The following DCC variants were observed in gnomAD, a reference collection of about 807,000 sequenced individuals.
DCC encodes the protein netrin receptor DCC.
In DCC, 58 loss-of-function variants were observed where a neutral mutation model predicts 172.5. The observed-to-expected ratio is 0.34, with a 90% CI of 0.27 to 0.42. DCC has a LOEUF of 0.42. Ranked by LOEUF, DCC falls within the 10% of genes least tolerant of loss-of-function variation. The pLI is 1.00. For synonymous variants in DCC, 709 were observed against 644.5 expected (o/e 1.10, Z -1.52); for missense variants, 1,740 against 1,791.0 (o/e 0.97, Z 0.51).
At chr18:52,383,702 T>C (rs1208784323) in intron 1 of DCC, among the ~76,000 whole-genome samples, 1 of 152,074 alleles carries the variant, frequency 6.6e-6, no homozygotes, top group Non-Finnish European at 1.5e-5. Context: ...TTCATTTTCC[T>C]GGTTTCTCTG....
At chr18:52,660,487 A>C (rs1365833985) in intron 1 of DCC, among the ~76,000 whole-genome samples, 1 of 152,136 alleles carries the variant, frequency 6.6e-6, no homozygotes, top group Non-Finnish European at 1.5e-5. Flanking sequence ...GCTCTGGTTC[A>C]AGTTTACTGT....
intron 1 of DCC, among the ~76,000 whole-genome samples, chr18:52,455,678 G>C (rs530534031): frequency 6.6e-6 from 1 of 152,206 alleles, no homozygotes; most frequent in South Asian, 2.1e-4. Flanking sequence ...TGTGATCCTC[G>C]GCAACTTATT....
At chr18:52,702,938 C>T (rs908675155) in intron 1 of DCC, among the ~76,000 whole-genome samples, 8 of 152,250 alleles carry the variant, frequency 5.3e-5, no homozygotes, top group African/African-American at 1.9e-4. Flanking sequence ...TATAAGATTT[C>T]GTTTCAACTT....
chr18:52,690,282 G>A (rs1301450440), intron 1 of DCC, among the ~76,000 whole-genome samples: 1 of 152,122 alleles, frequency 6.6e-6, no homozygotes, highest in East Asian at 1.9e-4. Context: ...TGCCCTTAAG[G>A]AACTCAGCTG....
intron 7 of DCC, among the ~76,000 whole-genome samples, chr18:53,083,067 A>G (rs932987067): frequency 2.0e-5 from 3 of 151,990 alleles, no homozygotes; most frequent in African/African-American, 4.8e-5. Flanking sequence ...TTTCCAAGTC[A>G]TTATTGGCCA....
At chr18:53,440,012 G>T (rs140632901) in intron 22 of DCC, among the ~76,000 whole-genome samples, 1 of 151,424 alleles carries the variant, frequency 6.6e-6, no homozygotes, top group Non-Finnish European at 1.5e-5. Flanking sequence ...TGATCCGCCC[G>T]CCTCGGCCTC....
chr18:52,563,849 A>C (rs2033095477), intron 1 of DCC, among the ~76,000 whole-genome samples: 1 of 152,144 alleles, frequency 6.6e-6, no homozygotes, highest in Admixed American at 6.6e-5. Context: ...GTTGTCTGTC[A>C]TTTGGCCAAA....
At chr18:53,111,063 G>T (rs2043322884) in intron 7 of DCC, among the ~76,000 whole-genome samples, 1 of 146,888 alleles carries the variant, frequency 6.8e-6, no homozygotes, top group South Asian at 2.2e-4. Flanking sequence ...GGAATACTAT[G>T]CAGCCATAAA....
At chr18:52,724,691 C>G (rs2036524760) in intron 1 of DCC, among the ~76,000 whole-genome samples, 1 of 152,108 alleles carries the variant, frequency 6.6e-6, no homozygotes, top group Admixed American at 6.6e-5. Context: ...AAACTTGTCT[C>G]CCTCTTTCAT....
At chr18:52,383,708 C>T (rs1479962390) in intron 1 of DCC, among the ~76,000 whole-genome samples, 3 of 151,782 alleles carry the variant, frequency 2.0e-5, no homozygotes, top group Non-Finnish European at 4.4e-5. Flanking sequence ...TTCCTGGTTT[C>T]TCTGTGTTTC....
rs1273614754 is a variant in DCC at position 52,652,425 on chromosome 18, A to AT, written c.92-99621dup. Among the ~76,000 whole-genome samples the AT allele has an allele frequency of 5.3e-5, 8 of 152,138 alleles. 1 individual carries two copies. Among genetic ancestry groups the AT allele is most frequent in the Middle Eastern group, 6.8e-3 (2 of 294 alleles). ...CAGCAAGAGTATTTTATTTCTATGG[A>AT]TTTTTTTTCAATACAGTCATTGGAA... On this transcript the variant is annotated intron_variant, in intron 1 of 28. Coordinates refer to ENST00000442544, the MANE Select transcript of DCC (RefSeq NM_005215.4).
intron 1 of DCC, among the ~76,000 whole-genome samples, chr18:52,498,542 T>C (rs2030890623): frequency 1.3e-5 from 2 of 152,036 alleles, no homozygotes; most frequent in Non-Finnish European, 2.9e-5. Context: ...GAGAATCACT[T>C]GAGCCCAGGA....
chr18:52,488,513 G>A (rs1428391426), intron 1 of DCC, among the ~76,000 whole-genome samples: 1 of 152,058 alleles, frequency 6.6e-6, no homozygotes, highest in East Asian at 1.9e-4. Flanking sequence ...AAATCTGCAG[G>A]TAGAAAGGAG....
At chr18:52,540,669 C>T (rs911074450) in intron 1 of DCC, among the ~76,000 whole-genome samples, 5 of 127,482 alleles carry the variant, frequency 3.9e-5, no homozygotes, top group South Asian at 2.6e-4. Flanking sequence ...TGCAGTGGCG[C>T]TATCTCGGCT....
chr18:53,518,856 A>G (rs1832611268), intron 27 of DCC, among the ~76,000 whole-genome samples: 1 of 152,132 alleles, frequency 6.6e-6, no homozygotes, highest in Non-Finnish European at 1.5e-5. Context: ...GGATCATTTA[A>G]CCTCAGAAAC....
intron 5 of DCC, among the ~76,000 whole-genome samples, chr18:52,937,559 A>G (rs1448215427): frequency 6.6e-6 from 1 of 152,088 alleles, no homozygotes; most frequent in African/African-American, 2.4e-5. Flanking sequence ...TCCCAGGCTG[A>G]GGTGCAGTGG....
At chr18:53,365,371 A>G (rs2057993733) in intron 15 of DCC, among the ~76,000 whole-genome samples, 3 of 150,708 alleles carry the variant, frequency 2.0e-5, no homozygotes, top group Admixed American at 6.6e-5. Context: ...GTGCACAGGT[A>G]CCCTAGAACT....
intron 15 of DCC, among the ~76,000 whole-genome samples, chr18:53,357,285 G>A (rs73957167): frequency 0.043 from 6,519 of 152,118 alleles, 455 homozygotes; most frequent in African/African-American, 0.15. Flanking sequence ...TAACCTGAGT[G>A]CTTTTAGAAA....
At chr18:52,542,877 C>G (rs558634767) in intron 1 of DCC, among the ~76,000 whole-genome samples, 1 of 151,934 alleles carries the variant, frequency 6.6e-6, no homozygotes, top group East Asian at 1.9e-4. Flanking sequence ...GCAGATTTAT[C>G]ATAGAAGGAT....
Sources: gnomAD v4.1 joint callset for allele counts (sites outside exome capture counted in the v4.1 genomes callset) on GRCh38, gnomAD v4.1.1 for gene constraint, MANE v1.5 for transcripts, NCBI Gene and HGNC (gene_info 2026-07-23, HGNC 2026-07-21) for gene names.